Variants in RFTN1 observed in about 807,000 individuals in gnomAD.
RFTN1 encodes raftlin, lipid raft linker 1.
Under a neutral mutation model 46.5 loss-of-function variants are expected in RFTN1, and 26 were observed. That is an observed-to-expected ratio of 0.56 (90% CI 0.41 to 0.78). RFTN1 has a LOEUF of 0.78. RFTN1 is among the 30% of genes least tolerant of loss of function. The probability of loss-of-function intolerance (pLI) is 0.00; values close to 1 mark genes in which losing one functional copy is unlikely to be tolerated. For synonymous variants in RFTN1, 261 were observed against 284.2 expected, an observed-to-expected ratio of 0.92 and a Z score of 0.82; for missense variants, 693 against 718.7, an observed-to-expected ratio of 0.96 and a Z score of 0.41.
rs534942025 is a variant in RFTN1, at chr3:16,472,205, T to C, written c.145+21520A>G. 4.6e-5 allele frequency: 7 copies of C among 152,062 alleles called. No homozygotes were observed. In the East Asian group the frequency reaches 1.3e-3, roughly 29 times the overall value. The allele number at this position is 152,062 out of a possible 1,614,324, so 9.4% of individuals were successfully genotyped here. On this transcript the variant is annotated intron_variant, in intron 2 of 9. Transcript: ENST00000334133. ...TAATGTGAGGATTGTTATACCTGTT[T>C]GTGAAACTTGGGACTTTGTCTTTAA... is the stretch of plus-strand genomic sequence containing the variant.
intron 4 of RFTN1, among the ~76,000 whole-genome samples, chr3:16,391,698 A>G (rs2074343985): frequency 6.6e-6 from 1 of 152,150 alleles, no homozygotes; most frequent in Non-Finnish European, 1.5e-5. Context: ...AAATGAGGGT[A>G]TATGGCACCG....
chr3:16,354,248 G>A (rs2072283152), intron 7 of RFTN1, among the ~76,000 whole-genome samples: 1 of 152,220 alleles, frequency 6.6e-6, no homozygotes, highest in African/African-American at 2.4e-5. Context: ...AGAACACAGA[G>A]GAGGGGTCTT....
intron 2 of RFTN1, among the ~76,000 whole-genome samples, chr3:16,478,691 G>C (rs1472071666): frequency 1.3e-5 from 2 of 152,130 alleles, no homozygotes; most frequent in Non-Finnish European, 2.9e-5. Flanking sequence ...GGCTCCACTG[G>C]GGGAAGATCC....
rs2076691023 is a variant in RFTN1 at position 16,500,329 on chromosome 3, T to C, written c.-8-6452A>G. 6.6e-6 allele frequency among the ~76,000 whole-genome samples: 1 copy of C among 152,162 alleles called. No homozygotes were observed. The stretch of plus-strand genomic sequence containing the variant: ...CAGGTGTCCAGGCATTTGTTTCTCT[T>C]TTTATATTTTGTTTTCTCAGCAGAC... On this transcript the variant is annotated intron_variant, in intron 1 of 9. Transcript: ENST00000334133. This position sits in a 1 kb window ranked among gnomAD's most constrained non-coding sequence, Gnocchi z 5.9.
intron 3 of RFTN1, among the ~76,000 whole-genome samples, chr3:16,415,492 G>A (rs1410980593): frequency 2.7e-5 from 4 of 147,658 alleles, no homozygotes; most frequent in African/African-American, 9.8e-5. Context: ...GCAGGAGAAC[G>A]GTCTGGACTG....
At chr3:16,395,989 G>C (rs2074458506) in intron 4 of RFTN1, among the ~76,000 whole-genome samples, 1 of 151,966 alleles carries the variant, frequency 6.6e-6, no homozygotes, top group Non-Finnish European at 1.5e-5. Flanking sequence ...GGATATATTG[G>C]GTTAAATAAG....
chr3:16,486,305 T>C (rs977051998), intron 2 of RFTN1, among the ~76,000 whole-genome samples: 5 of 152,006 alleles, frequency 3.3e-5, no homozygotes, highest in African/African-American at 1.2e-4. Flanking sequence ...GAGAAATCTT[T>C]CCAGAATGAG....
chr3:16,359,643 C>T (rs1185705166), intron 6 of RFTN1, among the ~76,000 whole-genome samples: 1 of 152,184 alleles, frequency 6.6e-6, no homozygotes, highest in African/African-American at 2.4e-5. Context: ...GGAACCTTGA[C>T]CATGGACTTC....
intron 2 of RFTN1, among the ~76,000 whole-genome samples, chr3:16,482,165 G>A (rs1353727366): frequency 2.0e-5 from 3 of 152,174 alleles, no homozygotes; most frequent in Admixed American, 6.5e-5. Context: ...GCAGCAGCAA[G>A]ACACACAGGG....
intron 2 of RFTN1, among the ~76,000 whole-genome samples, chr3:16,434,266 A>G (rs575340628): frequency 1.3e-4 from 20 of 152,276 alleles, no homozygotes; most frequent in Admixed American, 2.0e-4. Flanking sequence ...GCTCAGGCCT[A>G]TAATCCCAGC....
At chr3:16,492,716 A>G (rs2076558561) in intron 2 of RFTN1, among the ~76,000 whole-genome samples, 1 of 152,202 alleles carries the variant, frequency 6.6e-6, no homozygotes, top group Non-Finnish European at 1.5e-5. Context: ...TTCCAAAAAC[A>G]TGTCTTATAC....
rs2076251238 is a variant in RFTN1, at chr3:16,474,532, G to A, written c.145+19193C>T. On this transcript the variant is annotated intron_variant, in intron 2 of 9. Coordinates refer to ENST00000334133, the MANE Select transcript of RFTN1 (RefSeq NM_015150.2). The surrounding 1 kb of genome is among the most constrained non-coding windows in gnomAD (Gnocchi z 5.5). ...AAGCCAGCCGATTCTCTGGTGATGA[G>A]TGATGCTGGGAACAGCAGACTGGAC... is the stretch of plus-strand genomic sequence containing the variant. 6.6e-6 allele frequency among the ~76,000 whole-genome samples: 1 copy of A among 152,174 alleles called. No individual in the cohort carries two copies. Among genetic ancestry groups the A allele is most frequent in the Admixed American group, 6.5e-5 (1 of 15,286 alleles).
rs1437453912 is a variant in RFTN1, at chr3:16,315,868, GA to G, written c.*959del. On this transcript the variant is annotated 3_prime_UTR_variant, in exon 10 of 10. Transcript: ENST00000334133. The stretch of plus-strand genomic sequence containing the variant: ...CCTCACGGTGCACTAACTCATAGAT[GA>G]TTTATTGCCGTAAGTAACTAAACAA... 6.6e-6 allele frequency: 1 copy of G among 152,226 alleles called. No homozygotes were observed. The highest frequency in any genetic ancestry group is 2.4e-5 in the African/African-American group (1 of 41,440). 9.4% of individuals were successfully genotyped at this position (152,226 alleles called of 1,614,324 possible).
rs1474439316 is a variant in RFTN1, at chr3:16,498,786, G to A, written c.-8-4909C>T. ...GATTCTTCCACCAACTCCCACCCCTGTCAAAATAGGAAAGACTTTTACATC... is the reference window on the plus strand; with the variant it reads ...GATTCTTCCACCAACTCCCACCCCTATCAAAATAGGAAAGACTTTTACATC... On this transcript the variant is annotated intron_variant, in intron 1 of 9. Coordinates refer to ENST00000334133, the MANE Select transcript of RFTN1 (RefSeq NM_015150.2). The surrounding 1 kb of genome is among the most constrained non-coding windows in gnomAD (Gnocchi z 5.2). Among the ~76,000 whole-genome samples, 1 of 152,106 alleles carries A rather than the reference G, an allele frequency of 6.6e-6. No individual in the cohort carries two copies. Among genetic ancestry groups the A allele is most frequent in the East Asian group, 1.9e-4 (1 of 5,198 alleles).
At chr3:16,368,236 A>C (rs934433130) in intron 6 of RFTN1, among the ~76,000 whole-genome samples, 2 of 152,208 alleles carry the variant, frequency 1.3e-5, no homozygotes, top group Non-Finnish European at 2.9e-5. Flanking sequence ...CTGGTGTTTT[A>C]TGATGCATCT....
chr3:16,486,598 C>G (rs1448523851), intron 2 of RFTN1, among the ~76,000 whole-genome samples: 1 of 152,234 alleles, frequency 6.6e-6, no homozygotes, highest in African/African-American at 2.4e-5. Context: ...GTCCCTGGCA[C>G]CAAATTTGCA....
chr3:16,420,619 G>A (rs566786777), intron 3 of RFTN1, among the ~76,000 whole-genome samples: 1 of 152,278 alleles, frequency 6.6e-6, no homozygotes, highest in African/African-American at 2.4e-5. Context: ...TGAGTTAGGT[G>A]ATAGAAATGT....
rs1292756471 is a variant in RFTN1, at chr3:16,426,735, ATTAT to A, written c.332+7112_332+7115del. On this transcript the variant is annotated intron_variant, in intron 3 of 9. Transcript: ENST00000334133. The surrounding 1 kb of genome is among the most constrained non-coding windows in gnomAD (Gnocchi z 5.9). ...CTTGAGGTCTGTGCTATGTGGCTGC[ATTAT>A]TAAGATATACTTTTGGTACTGATAA... is the stretch of plus-strand genomic sequence containing the variant. 5.3e-5 allele frequency among the ~76,000 whole-genome samples: 8 copies of A among 149,804 alleles called. No homozygotes were observed. Among genetic ancestry groups the A allele is most frequent in the African/African-American group, 2.0e-4 (8 of 40,500 alleles).
intron 7 of RFTN1, chr3:16,347,519 C>A (rs76462499): frequency 0.018 from 2,716 of 152,336 alleles, 78 homozygotes; most frequent in African/African-American, 0.061. Flanking sequence ...CCTCACTACT[C>A]CAATCTTCAA....
Sources: allele counts gnomAD v4.1 joint callset (sites outside exome capture counted in the v4.1 genomes callset), GRCh38; gene constraint gnomAD v4.1.1; non-coding constraint Gnocchi (gnomAD v3.1); transcripts MANE v1.5; gene names NCBI Gene and HGNC (gene_info 2026-07-23, HGNC 2026-07-21).